The following GSAP variants were observed in gnomAD, a reference collection of about 807,000 sequenced individuals.
GSAP encodes the protein gamma-secretase activating protein.
In GSAP, 118 loss-of-function variants were observed where a neutral mutation model predicts 131.7. That is an observed-to-expected ratio of 0.90 (90% CI 0.77 to 1.04). The LOEUF (loss-of-function observed/expected upper bound fraction) is 1.04. Ranked by LOEUF, GSAP falls within the 50% of genes least tolerant of loss-of-function variation. The pLI is 0.00. For missense variants in GSAP, 1,019 were observed against 1,013.2 expected, an observed-to-expected ratio of 1.01 and a Z score of -0.08; for synonymous variants, 381 against 363.4, an observed-to-expected ratio of 1.05 and a Z score of -0.55.
At chr7:77,401,721 T>C (rs1361794710) in intron 3 of GSAP, among the ~76,000 whole-genome samples, 1 of 152,222 alleles carries the variant, frequency 6.6e-6, no homozygotes, top group Non-Finnish European at 1.5e-5. Flanking sequence ...TTCTAAATTA[T>C]GTTTGACAAT....
chr7:77,340,379 G>A (rs986338551), intron 19 of GSAP, among the ~76,000 whole-genome samples: 23 of 152,110 alleles, frequency 1.5e-4, no homozygotes, highest in East Asian at 1.2e-3. Flanking sequence ...ATTTGGTGCC[G>A]AAGACCCAGG....
chr7:77,336,723 G>A (rs951609034), intron 19 of GSAP, among the ~76,000 whole-genome samples: 3 of 152,138 alleles, frequency 2.0e-5, no homozygotes, highest in African/African-American at 4.8e-5. Context: ...CCTGACCTCA[G>A]GTGATTCACC....
intron 6 of GSAP, among the ~76,000 whole-genome samples, chr7:77,383,046 G>C (rs1392487385): frequency 6.6e-6 from 1 of 152,126 alleles, no homozygotes; most frequent in African/African-American, 2.4e-5. Flanking sequence ...GATTAGCCAA[G>C]TGTGGTGGCA....
intron 8 of GSAP, chr7:77,379,949 TTTAAAATCTTCAGAGAAATG>T (rs1797548979): frequency 1.1e-6 from 1 of 876,586 alleles, no homozygotes; most frequent in Non-Finnish European, 1.4e-6. Context: ...TTCACTTAAC[TTTAAAATCTTCAGAGAAATG>T]TTAAAATCTT....
chr7:77,321,019 CATTGT>C (rs1787568846), intron 25 of GSAP, among the ~76,000 whole-genome samples, 200 bp from the exon 26 acceptor site: 1 of 152,186 alleles, frequency 6.6e-6, no homozygotes, highest in Non-Finnish European at 1.5e-5. Context: ...ATATGTTACA[CATTGT>C]ATTAAGTGAA....
chr7:77,384,951 C>T (rs553200855), intron 6 of GSAP, among the ~76,000 whole-genome samples: 1 of 151,930 alleles, frequency 6.6e-6, no homozygotes, highest in Admixed American at 6.6e-5. Flanking sequence ...GATGGGTCCA[C>T]AGAATTAGTA....
intron 27 of GSAP, among the ~76,000 whole-genome samples, chr7:77,313,994 C>T (rs1329949900): frequency 6.6e-6 from 1 of 152,092 alleles, no homozygotes; most frequent in Non-Finnish European, 1.5e-5. Flanking sequence ...GAGAAACAAG[C>T]CTGCAGAGGT....
intron 12 of GSAP, among the ~76,000 whole-genome samples, chr7:77,363,334 C>A (rs569394194): frequency 1.3e-5 from 2 of 152,342 alleles, no homozygotes; most frequent in East Asian, 3.9e-4. Context: ...TCTCTAGCAG[C>A]TGCTGCTGTA....
At chr7:77,368,366 C>T (rs1260749741) in intron 12 of GSAP, among the ~76,000 whole-genome samples, 1 of 152,162 alleles carries the variant, frequency 6.6e-6, no homozygotes, top group East Asian at 1.9e-4. Context: ...TTCTAATCAG[C>T]CCTGGATTTT....
In GSAP at chr7:77,330,456, A is replaced by T; in HGVS notation, c.1546-89T>A. 3 of 1,502,656 alleles carry T rather than the reference A, an allele frequency of 2.0e-6. No individual in the cohort carries two copies. The African/African-American group carries it at 4.2e-5, about 21-fold the overall frequency. 93.1% of individuals were successfully genotyped at this position (1,502,656 alleles called of 1,614,324 possible). ...AGTATTACACAAGCCTTATTTCCCG[A>T]GCTCTCAGGGTCCACATTTCTGAGT... is the stretch of plus-strand genomic sequence containing the variant. On this transcript the variant is annotated intron_variant, in intron 19 of 30. Transcript: ENST00000257626.
chr7:77,383,103 C>G (rs1230760812), intron 6 of GSAP, among the ~76,000 whole-genome samples: 5 of 152,146 alleles, frequency 3.3e-5, no homozygotes, highest in African/African-American at 1.2e-4. Context: ...GGGAGGATCA[C>G]TTGAACCCAG....
At chr7:77,347,057 G>A (rs952133770) in intron 19 of GSAP, among the ~76,000 whole-genome samples, 8 of 151,958 alleles carry the variant, frequency 5.3e-5, no homozygotes, top group African/African-American at 1.9e-4. Context: ...AGAAGACTGG[G>A]TTGGGGAAGT....
At chr7:77,354,808 A>C (rs565998018) in intron 16 of GSAP, among the ~76,000 whole-genome samples, 79 of 152,326 alleles carry the variant, frequency 5.2e-4, no homozygotes, top group Admixed American at 1.3e-3. Flanking sequence ...ATAAACTCTA[A>C]TGTGAAATAC....
Position 77,311,916 on chromosome 7 carries a change from A to T in GSAP, c.2398T>A (p.Ser800Thr). The T allele has an allele frequency of 6.3e-7, 1 of 1,598,550 alleles. No homozygotes were observed. Among genetic ancestry groups the T allele is most frequent in the Non-Finnish European group, 8.6e-7 (1 of 1,165,914 alleles). The change falls in exon 30 of 31, where the codon TCA (serine) becomes ACA (threonine). Residue 800 changes from serine to threonine, a missense_variant. Transcript: ENST00000257626. ...KQPRNSMINK[S>T]SFSVEFLPLN... ...GGCAGAAATTCTACACTGAACGATG[A>T]CTTGTTAATCATAGAATTCCGAGGC...
intron 19 of GSAP, among the ~76,000 whole-genome samples, chr7:77,348,688 G>GT (rs1440197979): frequency 6.6e-6 from 1 of 152,172 alleles, no homozygotes; most frequent in Non-Finnish European, 1.5e-5. Flanking sequence ...ACTCCCCCTA[G>GT]TTTTAACTAC....
chr7:77,311,395 G>T lies in GSAP; in HGVS notation c.2528C>A (p.Ala843Glu), dbSNP rs1794333496. 3 of 1,612,206 alleles carry T rather than the reference G, an allele frequency of 1.9e-6. No homozygotes were observed. The highest frequency in any genetic ancestry group is 1.7e-5 in the Admixed American group (1 of 59,994). The change falls in exon 31 of 31, where the codon GCA becomes GAA. Residue 843 changes from alanine (A) to glutamate (E), a missense_variant. By Grantham distance (107) the Ala-to-Glu change is moderately radical. Coordinates refer to ENST00000257626, the MANE Select transcript of GSAP (RefSeq NM_017439.4). ...DNVDAEFVEE[A>E]ALKHTAMLLG... ...AAGCATCGCGGTGTGTTTCAGAGCT[G>T]CTTCCTCTACAAATTCTGCATCCAC...
chr7:77,402,395 GAAAA>G (rs1801462080), intron 3 of GSAP, among the ~76,000 whole-genome samples: 4 of 120,258 alleles, frequency 3.3e-5, no homozygotes, highest in African/African-American at 1.0e-4. Flanking sequence ...AAAAAAAAAA[GAAAA>G]AAGAAAAAAA....
chr7:77,374,330 T>C (rs921607822), intron 11 of GSAP, among the ~76,000 whole-genome samples, 175 bp from the exon 12 acceptor site: 4 of 152,198 alleles, frequency 2.6e-5, no homozygotes, highest in Admixed American at 1.3e-4. Context: ...AAATACATGG[T>C]ATATAAATGG....
intron 14 of GSAP, among the ~76,000 whole-genome samples, chr7:77,358,896 C>T (rs1285225937): frequency 1.3e-5 from 2 of 152,136 alleles, no homozygotes; most frequent in Non-Finnish European, 2.9e-5. Context: ...TTTAAAGAAA[C>T]TATTAATAGG....
Sources: allele counts gnomAD v4.1 joint callset (sites outside exome capture counted in the v4.1 genomes callset), GRCh38; gene constraint gnomAD v4.1.1; transcripts MANE v1.5; gene names NCBI Gene and HGNC (gene_info 2026-07-23, HGNC 2026-07-21).